NLRC4: variants seen among roughly 807,000 people sequenced by gnomAD.
NLRC4 encodes the protein NLR family CARD domain containing 4.
A neutral mutation model predicts 79.9 loss-of-function variants in NLRC4; 63 were observed. The observed-to-expected ratio is 0.79, with a 90% CI of 0.64 to 0.97. NLRC4 has a LOEUF of 0.97. Ranked by LOEUF, NLRC4 falls within the 50% of genes least tolerant of loss-of-function variation. NLRC4 has a pLI of 0.00. For missense variants in NLRC4, 1,074 were observed against 1,215.2 expected, an observed-to-expected ratio of 0.88 and a Z score of 1.73; for synonymous variants, 461 against 456.5, an observed-to-expected ratio of 1.01 and a Z score of -0.12.
intron 4 of NLRC4, among the ~76,000 whole-genome samples, chr2:32,244,822 AAGG>A (rs948469644): frequency 2.5e-4 from 36 of 146,502 alleles, no homozygotes; most frequent in Admixed American, 1.4e-3. Context: ...TACAAAAAAG[AAGG>A]AGGAGGAGGA....
intron 1 of NLRC4, among the ~76,000 whole-genome samples, chr2:32,263,503 T>C (rs1687399599): frequency 6.6e-6 from 1 of 152,242 alleles, no homozygotes; most frequent in Admixed American, 6.5e-5. Context: ...TGTGCTGAAC[T>C]GGGCTTCCCC....
Position 32,261,316 on chromosome 2 carries a change from C to CCCCTTTTTTTTTTTTTTTTTTTTTTTTTT in NLRC4, c.-119+3421_-119+3422insAAAAAAAAAAAAAAAAAAAAAAAAAAGGG. 1.8e-3 allele frequency among the ~76,000 whole-genome samples: 176 copies of CCCCTTTTTTTTTTTTTTTTTTTTTTTTTT among 96,914 alleles called. 15 individuals carry two copies. The highest frequency in any genetic ancestry group is 3.1e-3 in the Non-Finnish European group (151 of 48,102). The allele number at this position is 96,914 out of a possible 152,430, so 63.6% of individuals were successfully genotyped here. ...TTCTTTCGCCTATTAAGCCTCCCCC[C>CCCCTTTTTTTTTTTTTTTTTTTTTTTTTT]TTTTGTTTTTTTTTGAGATGGAGCC... On this transcript the variant is annotated intron_variant, in intron 1 of 8. Transcript: ENST00000402280.
chr2:32,260,144 A>G (rs1281945920), intron 1 of NLRC4, among the ~76,000 whole-genome samples: 1 of 141,232 alleles, frequency 7.1e-6, no homozygotes, highest in Admixed American at 8.0e-5. Context: ...CAGGAGAATC[A>G]CTTGAACCCA....
intron 5 of NLRC4, among the ~76,000 whole-genome samples, chr2:32,239,142 G>A (rs1342838517): frequency 6.6e-6 from 1 of 152,082 alleles, no homozygotes; most frequent in African/African-American, 2.4e-5. Flanking sequence ...TTAGCTGGGC[G>A]TGATGGTGCA....
Position 32,251,231 on chromosome 2 carries a change from T to G in NLRC4, c.633A>C (p.Gly211=). The G allele has an allele frequency of 1.2e-6, 2 of 1,614,108 alleles. No individual in the cohort carries two copies. The highest frequency in any genetic ancestry group is 3.3e-5 in the Admixed American group (2 of 60,008). ...GTTGATCACAGAGGGTTTCAAAAAG[T>G]CCACCCTGGGCCCTGCTGAGACGGA... ...FFLRLSRAQG[G]LFETLCDQLL... The change falls in exon 4 of 9, where the codon GGA becomes GGC. Residue 211 remains glycine (G), a synonymous_variant. Transcript: ENST00000402280.
At chr2:32,259,657 C>T (rs898757825) in intron 1 of NLRC4, among the ~76,000 whole-genome samples, 1 of 152,132 alleles carries the variant, frequency 6.6e-6, no homozygotes, top group African/African-American at 2.4e-5. Flanking sequence ...GCTTCTACCT[C>T]AAACACCTAT....
In NLRC4 at chr2:32,232,881, G is replaced by A. The variant is rs182484047; in HGVS notation, c.2782+2520C>T. ...TATTTTGCAGGTAGAACAATTTTAAGTGGCTTGTCATAATCTAGTCATTGC... is the reference window on the plus strand; with the variant it reads ...TATTTTGCAGGTAGAACAATTTTAAATGGCTTGTCATAATCTAGTCATTGC... On this transcript the variant is annotated intron_variant, in intron 8 of 8. Coordinates refer to ENST00000402280, the MANE Select transcript of NLRC4 (RefSeq NM_001199138.2). Among the ~76,000 whole-genome samples the A allele has an allele frequency of 1.5e-4, 23 of 152,124 alleles. 1 individual carries two copies. The highest frequency in any genetic ancestry group is 3.1e-4 in the Non-Finnish European group (21 of 68,026).
Position 32,249,836 on chromosome 2 carries a change from A to G in NLRC4, c.2028T>C (p.Asp676=). ...LRDFSKLNKQ[D]IRYLGKIFSS... ...TGAATATTTTCCCCAGATATCTGATATCTTGCTTATTCAACTTGCTGAAAT... is the reference window on the plus strand; with the variant it reads ...TGAATATTTTCCCCAGATATCTGATGTCTTGCTTATTCAACTTGCTGAAAT... Residue 676 remains aspartate, a synonymous_variant, in exon 4 of 9, where the codon GAT becomes GAC. Transcript: ENST00000402280. 1 of 1,614,206 alleles carries G rather than the reference A, an allele frequency of 6.2e-7. No homozygotes were observed. The highest frequency in any genetic ancestry group is 2.2e-5 in the East Asian group (1 of 44,876).
In NLRC4 at chr2:32,248,762, C is replaced by T. The variant is rs542111543; in HGVS notation, c.2257+845G>A. Among the ~76,000 whole-genome samples the T allele has an allele frequency of 4.0e-5, 6 of 151,516 alleles. No individual in the cohort carries two copies. In the East Asian group the frequency reaches 1.2e-3, roughly 29 times the overall value. On this transcript the variant is annotated intron_variant, in intron 4 of 8. Coordinates refer to ENST00000402280, the MANE Select transcript of NLRC4 (RefSeq NM_001199138.2). ...ACCTGGGTGACAGAGCAAGACCCAACCTCGAAAAAAAAAAAAAATTTAAAA... is the reference window on the plus strand; with the variant it reads ...ACCTGGGTGACAGAGCAAGACCCAATCTCGAAAAAAAAAAAAAATTTAAAA...
chr2:32,262,012 C>A (rs925812603), intron 1 of NLRC4, among the ~76,000 whole-genome samples: 1 of 151,814 alleles, frequency 6.6e-6, no homozygotes, highest in South Asian at 2.1e-4. Flanking sequence ...ACCAGGGAGG[C>A]GGAGGTTGCA....
At chr2:32,246,972 A>G (rs1304458602) in intron 4 of NLRC4, among the ~76,000 whole-genome samples, 1 of 152,036 alleles carries the variant, frequency 6.6e-6, no homozygotes, top group Non-Finnish European at 1.5e-5. Flanking sequence ...GGGTCTTCCT[A>G]TTGTGTCCAG....
chr2:32,243,553 G>A (rs1686855675), intron 4 of NLRC4, among the ~76,000 whole-genome samples: 1 of 151,876 alleles, frequency 6.6e-6, no homozygotes, highest in Non-Finnish European at 1.5e-5. Flanking sequence ...TGTAATCCCA[G>A]CACTTTGGGA....
chr2:32,243,088 A>G (rs1450724630), intron 4 of NLRC4, among the ~76,000 whole-genome samples: 1 of 151,126 alleles, frequency 6.6e-6, no homozygotes, highest in Non-Finnish European at 1.5e-5. Flanking sequence ...AGAGAAAGAA[A>G]GGAGGGAGGG....
At chr2:32,259,473 T>A (rs1254487996) in intron 1 of NLRC4, among the ~76,000 whole-genome samples, 2 of 151,834 alleles carry the variant, frequency 1.3e-5, no homozygotes, top group Admixed American at 6.6e-5. Flanking sequence ...TATTCATTTA[T>A]CAATCTATTT....
intron 4 of NLRC4, among the ~76,000 whole-genome samples, chr2:32,246,369 G>C (rs1002238691): frequency 3.9e-5 from 6 of 152,122 alleles, no homozygotes; most frequent in Non-Finnish European, 8.8e-5. Flanking sequence ...TACAGTCTTC[G>C]TGACACCCAG....
intron 8 of NLRC4, among the ~76,000 whole-genome samples, chr2:32,230,200 T>C (rs1008690004): frequency 6.6e-5 from 10 of 151,900 alleles, no homozygotes; most frequent in African/African-American, 2.2e-4. Flanking sequence ...AAAATAACAG[T>C]CACATCCTCT....
chr2:32,235,312 T>TA, intron 8 of NLRC4, 89 bp downstream of exon 8: 1 of 910,962 alleles, frequency 1.1e-6, no homozygotes. Flanking sequence ...GGAAGCAAAA[T>TA]AAAATAAGGG....
intron 7 of NLRC4, 50 bp downstream of exon 7, chr2:32,236,197 C>G: frequency 3.4e-6 from 4 of 1,160,766 alleles, no homozygotes; most frequent in Non-Finnish European, 5.1e-6. Flanking sequence ...ATTTCGACTA[C>G]CCAGTATACA....
At chr2:32,233,186 A>AAGGGAGGG (rs1686585852) in intron 8 of NLRC4, among the ~76,000 whole-genome samples, 8 of 51,890 alleles carry the variant, frequency 1.5e-4, no homozygotes, top group African/African-American at 6.0e-4. Flanking sequence ...GGAAGGAAGG[A>AAGGGAGGG]AGGAAGGAAG....
Sources: gnomAD v4.1 joint callset for allele counts (sites outside exome capture counted in the v4.1 genomes callset) on GRCh38, gnomAD v4.1.1 for gene constraint, MANE v1.5 for transcripts, NCBI Gene and HGNC (gene_info 2026-07-23, HGNC 2026-07-21) for gene names.